Variants in ALS2 observed in about 807,000 individuals in gnomAD.
ALS2 encodes alsin Rho guanine nucleotide exchange factor ALS2.
ALS2 carries 117 observed loss-of-function variants against 203.4 expected under a neutral mutation model. The ratio of observed to expected loss-of-function variants is 0.58; its 90% confidence interval spans 0.50 to 0.67. The LOEUF (loss-of-function observed/expected upper bound fraction) is 0.67. Among genes scored for constraint, ALS2 ranks in the 30% least tolerant of loss-of-function variants. The pLI is 0.00. For synonymous variants in ALS2, 718 were observed against 725.9 expected (o/e 0.99, Z 0.17); for missense variants, 1,715 against 1,989.4 (o/e 0.86, Z 2.62).
At chr2:201,729,308 T>C (rs1691395377) in intron 13 of ALS2, 125 bp from the exon 14 acceptor site, 1 of 1,091,760 alleles carries the variant, frequency 9.2e-7, no homozygotes, top group Non-Finnish European at 1.3e-6. Context: ...CCCACGAGCA[T>C]AAGTAGCACA....
chr2:201,746,773 T>C (rs1337651808), intron 8 of ALS2, 25 bp from the exon 9 acceptor site: 8 of 1,613,546 alleles, frequency 5.0e-6, no homozygotes, highest in Non-Finnish European at 6.8e-6. Context: ...AGATAGTGTC[T>C]GTCCAAGATA....
chr2:201,762,419 T>G (rs545540301), intron 3 of ALS2, among the ~76,000 whole-genome samples: 5 of 152,352 alleles, frequency 3.3e-5, no homozygotes, highest in African/African-American at 7.2e-5. Context: ...TTTTGAGATG[T>G]TACATAAATA....
At chr2:201,740,691 A>G (rs984535188) in intron 11 of ALS2, among the ~76,000 whole-genome samples, 3 of 152,248 alleles carry the variant, frequency 2.0e-5, no homozygotes, top group Non-Finnish European at 4.4e-5. Context: ...GAATTAAAAT[A>G]GCATCCAACT....
At chr2:201,767,422 T>C (rs1362218547) in intron 2 of ALS2, 39 bp from the exon 3 acceptor site, 2 of 1,605,762 alleles carry the variant, frequency 1.2e-6, no homozygotes, top group Non-Finnish European at 1.7e-6. Context: ...GTTTCTACAA[T>C]TCAGAACAGT....
intron 12 of ALS2, 174 bp downstream of exon 12, chr2:201,738,496 G>A: frequency 3.1e-6 from 2 of 648,108 alleles, no homozygotes; most frequent in South Asian, 3.7e-5. Flanking sequence ...TACTTATAAT[G>A]ATAACCAGTG....
intron 8 of ALS2, 89 bp downstream of exon 8, chr2:201,749,623 C>A: frequency 7.9e-7 from 1 of 1,260,508 alleles, no homozygotes; most frequent in East Asian, 2.4e-5. Flanking sequence ...TATGAAATTC[C>A]CCCGATATTT....
intron 1 of ALS2, among the ~76,000 whole-genome samples, chr2:201,773,379 CTG>C (rs1194099306): frequency 6.6e-6 from 1 of 152,070 alleles, no homozygotes; most frequent in East Asian, 1.9e-4. Context: ...GAGAGATGCT[CTG>C]GGGGCAGAAC....
intron 12 of ALS2, 85 bp from the exon 13 acceptor site, chr2:201,733,523 C>A (rs1477747805): frequency 8.2e-7 from 1 of 1,226,054 alleles, no homozygotes; most frequent in African/African-American, 1.5e-5. Flanking sequence ...CTAGAAAGTA[C>A]CTCTTTCAGA....
chr2:201,776,705 AC>A (rs1376719853), intron 1 of ALS2, among the ~76,000 whole-genome samples: 3 of 152,176 alleles, frequency 2.0e-5, no homozygotes. Context: ...AAGTATGATG[AC>A]TTCTTTCACC....
intron 15 of ALS2, among the ~76,000 whole-genome samples, chr2:201,728,103 A>C (rs1691305574): frequency 6.6e-6 from 1 of 152,142 alleles, no homozygotes; most frequent in African/African-American, 2.4e-5. Context: ...TTTAAAAAAA[A>C]TTATTATTAT....
rs1185057479 is a variant in ALS2, at chr2:201,723,526, G to C, written c.3513-85C>G. 4.2e-6 allele frequency: 5 copies of C among 1,177,960 alleles called. No homozygotes were observed. The Admixed American group carries it at 5.1e-5, about 12-fold the overall frequency. The allele number at this position is 1,177,960 out of a possible 1,614,324, so 73.0% of individuals were successfully genotyped here. The stretch of plus-strand genomic sequence containing the variant: ...ACAATTATCACATGGGAGATCCCAG[G>C]CATCAACCCTAGGTTGGTATTGCTT... On this transcript the variant is annotated intron_variant, in intron 21 of 33. Transcript: ENST00000264276.
At chr2:201,757,907 CTCTT>C in intron 4 of ALS2, 148 bp from the exon 5 acceptor site, 1 of 650,306 alleles carries the variant, frequency 1.5e-6, no homozygotes, top group East Asian at 2.7e-5. Flanking sequence ...TAAAGGTATT[CTCTT>C]CTTGATCATG....
At chr2:201,780,564 G>A (rs1694858356) in intron 1 of ALS2, among the ~76,000 whole-genome samples, 2 of 152,178 alleles carry the variant, frequency 1.3e-5, no homozygotes, top group Admixed American at 1.3e-4. Context: ...GGGAAGAGGG[G>A]GCTTGAAGGA....
intron 33 of ALS2, among the ~76,000 whole-genome samples, chr2:201,703,569 T>C (rs1689511703): frequency 6.6e-6 from 1 of 152,236 alleles, no homozygotes; most frequent in African/African-American, 2.4e-5. Context: ...TTCTATCTGC[T>C]GTTTTTTCAA....
intron 10 of ALS2, 24 bp from the exon 11 acceptor site, chr2:201,741,878 T>C (rs1692292686): frequency 3.2e-6 from 5 of 1,577,770 alleles, no homozygotes; most frequent in Admixed American, 1.7e-5. Context: ...ATGATGATGA[T>C]GACAACACAA....
intron 1 of ALS2, among the ~76,000 whole-genome samples, chr2:201,779,461 T>C (rs972185962): frequency 4.6e-5 from 7 of 152,358 alleles, no homozygotes; most frequent in African/African-American, 1.7e-4. Flanking sequence ...AATGTCCTTA[T>C]GGAACACCAA....
intron 12 of ALS2, among the ~76,000 whole-genome samples, chr2:201,734,334 G>C (rs1380458010): frequency 1.3e-5 from 2 of 152,098 alleles, no homozygotes; most frequent in African/African-American, 4.8e-5. Context: ...AATTAGCCAG[G>C]CATGGAAGCG....
intron 15 of ALS2, 85 bp downstream of exon 15, chr2:201,728,427 G>A: frequency 6.4e-7 from 1 of 1,554,038 alleles, no homozygotes; most frequent in Non-Finnish European, 8.9e-7. Context: ...AATCACACTA[G>A]TTTTGAACAT....
chr2:201,718,346 G>A (rs1412866140), intron 23 of ALS2, 136 bp from the exon 24 acceptor site: 13 of 954,416 alleles, frequency 1.4e-5, no homozygotes, highest in South Asian at 5.5e-5. Flanking sequence ...TGCAACCTCC[G>A]CTTCCTGGGT....
Sources: gnomAD v4.1 joint callset for allele counts (sites outside exome capture counted in the v4.1 genomes callset) on GRCh38, gnomAD v4.1.1 for gene constraint, MANE v1.5 for transcripts, NCBI Gene and HGNC (gene_info 2026-07-23, HGNC 2026-07-21) for gene names.